Variants in ACAN observed in about 807,000 individuals in gnomAD.
ACAN encodes the protein aggrecan core protein.
ACAN carries 47 observed loss-of-function variants against 169.1 expected under a neutral mutation model. That is an observed-to-expected ratio of 0.28 (90% confidence interval 0.22 to 0.35). ACAN has a LOEUF of 0.35. Among genes scored for constraint, ACAN ranks in the 10% least tolerant of loss-of-function variants. The pLI is 1.00. For synonymous variants in ACAN, 1,115 were observed against 1,112.2 expected, an observed-to-expected ratio of 1.00 and a Z score of -0.05; for missense variants, 2,716 against 2,759.9, an observed-to-expected ratio of 0.98 and a Z score of 0.36.
At chr15:88,811,993 G>A (rs1339137831) in intron 1 of ACAN, among the ~76,000 whole-genome samples, 1 of 152,134 alleles carries the variant, frequency 6.6e-6, no homozygotes, top group East Asian at 1.9e-4. Flanking sequence ...GTTGTGACTT[G>A]TCAATATTTT....
At chr15:88,810,979 C>T (rs1895806179) in intron 1 of ACAN, among the ~76,000 whole-genome samples, 1 of 152,230 alleles carries the variant, frequency 6.6e-6, no homozygotes, top group Non-Finnish European at 1.5e-5. Context: ...GGCAGGACTA[C>T]AGCCACTGCC....
At position 88,869,450 on chromosome 15, in the gene ACAN, C is replaced by T. The variant is rs1596155227; in HGVS notation, c.7060+1121C>T. On this transcript the variant is annotated intron_variant, in intron 14 of 18. Coordinates refer to ENST00000560601, the MANE Select transcript of ACAN (RefSeq NM_001369268.1). This position sits in a 1 kb window ranked among gnomAD's most constrained non-coding sequence, Gnocchi z 4.2. ...TTTTGGGAAAAAAAAGGCCTGGACA[C>T]TCCTACTCCCTTGCAGCCTCCCACC... Among the ~76,000 whole-genome samples, 1 of 152,300 alleles carries T rather than the reference C, an allele frequency of 6.6e-6. No homozygotes were observed. The highest frequency in any genetic ancestry group is 1.9e-4 in the East Asian group (1 of 5,186).
chr15:88,826,374 C>CTTTTTTTTTT (rs59069149), intron 1 of ACAN, among the ~76,000 whole-genome samples: 1 of 111,586 alleles, frequency 9.0e-6, no homozygotes, highest in Non-Finnish European at 1.8e-5. Flanking sequence ...CCTTTTTTTT[C>CTTTTTTTTTT]TTTTTTTTTT....
intron 1 of ACAN, among the ~76,000 whole-genome samples, chr15:88,819,427 G>A (rs1567166223): frequency 6.6e-6 from 1 of 152,060 alleles, no homozygotes; most frequent in Non-Finnish European, 1.5e-5. Context: ...TCTGTAGCAG[G>A]CACTGAGCAA....
At chr15:88,818,419 G>C (rs554102270) in intron 1 of ACAN, among the ~76,000 whole-genome samples, 2 of 152,326 alleles carry the variant, frequency 1.3e-5, no homozygotes, top group East Asian at 1.9e-4. Flanking sequence ...AAATTCCGCA[G>C]GTTCTCCTCC....
At chr15:88,830,514 G>A (rs11629863) in intron 1 of ACAN, among the ~76,000 whole-genome samples, 94,305 of 151,998 alleles carry the variant, frequency 0.62, 29,650 homozygotes, top group Middle Eastern at 0.73. Context: ...GCATGTTACT[G>A]TACTGAATAC....
Position 88,851,549 on chromosome 15 carries a change from A to G in ACAN, c.2027-245A>G. 2.2e-6 allele frequency: 1 copy of G among 460,820 alleles called. No homozygotes were observed. Among genetic ancestry groups the G allele is most frequent in the Non-Finnish European group, 3.9e-6 (1 of 258,368 alleles). The allele number at this position is 460,820 out of a possible 1,614,324, so 28.5% of individuals were successfully genotyped here. On this transcript the variant is annotated intron_variant, in intron 10 of 18. Transcript: ENST00000560601. This position sits in a 1 kb window ranked among gnomAD's most constrained non-coding sequence, Gnocchi z 4.3. ...ACAAGGCTTTAGAGCAATGCCCGGCATATATGGTCAATTCTGCAGGGGAGA... is the reference window on the plus strand; with the variant it reads ...ACAAGGCTTTAGAGCAATGCCCGGCGTATATGGTCAATTCTGCAGGGGAGA...
chr15:88,848,843 G>T (rs1896858153), intron 9 of ACAN, among the ~76,000 whole-genome samples: 1 of 152,186 alleles, frequency 6.6e-6, no homozygotes, highest in Admixed American at 6.5e-5. Context: ...TACATCAGAG[G>T]TTTTTTTGAG....
At chr15:88,805,544 A>G (rs1342384029) in intron 1 of ACAN, among the ~76,000 whole-genome samples, 1 of 152,078 alleles carries the variant, frequency 6.6e-6, no homozygotes, top group Non-Finnish European at 1.5e-5. Flanking sequence ...TGTGCCTGGT[A>G]TTTTCATTCA....
At chr15:88,841,512 C>A (rs1896660704) in intron 4 of ACAN, among the ~76,000 whole-genome samples, 1 of 152,036 alleles carries the variant, frequency 6.6e-6, no homozygotes. Flanking sequence ...ATATGTGAGC[C>A]CCTGATAGAG....
rs1370737739 is a variant in ACAN, at chr15:88,873,815, C to A, written c.7448-27C>A. 4.3e-6 allele frequency: 7 copies of A among 1,610,174 alleles called. No individual in the cohort carries two copies. Among genetic ancestry groups the A allele is most frequent in the Non-Finnish European group, 5.9e-6 (7 of 1,178,004 alleles). The stretch of plus-strand genomic sequence containing the variant: ...GTCATCCCAGGAGACCCTATGAGAC[C>A]CTTTATAAAGGGTGTTTGCCCCTCA... On this transcript the variant is annotated intron_variant, in intron 17 of 18. Transcript: ENST00000560601. The surrounding 1 kb of genome is among the most constrained non-coding windows in gnomAD (Gnocchi z 7.5).
Position 88,872,691 on chromosome 15 carries a change from C to A in ACAN, c.7303-190C>A, listed in dbSNP as rs1014807536. 2.6e-5 allele frequency among the ~76,000 whole-genome samples: 4 copies of A among 152,128 alleles called. No homozygotes were observed. The highest frequency in any genetic ancestry group is 4.4e-5 in the Non-Finnish European group (3 of 68,028). ...GTGTGACTGATTCCCTAGAGGGCCA[C>A]CGGGTTCCATGGCCCCTAGAACAGC... is the stretch of plus-strand genomic sequence containing the variant. On this transcript the variant is annotated intron_variant, in intron 16 of 18. Transcript: ENST00000560601. The surrounding 1 kb of genome is among the most constrained non-coding windows in gnomAD (Gnocchi z 5.4).
At chr15:88,837,938 TC>T (rs1419182565) in intron 2 of ACAN, among the ~76,000 whole-genome samples, 1 of 150,960 alleles carries the variant, frequency 6.6e-6, no homozygotes, top group Non-Finnish European at 1.5e-5. Context: ...TTTTCCCCAT[TC>T]CCAGCAGATC....
Position 88,849,510 on chromosome 15 carries a change from A to G in ACAN, c.1805A>G (p.Asn602Ser), listed in dbSNP as rs1896879096. The G allele has an allele frequency of 1.2e-6, 2 of 1,608,324 alleles. No homozygotes were observed. ...GCACTGGAGTTCTGTGAATCTCACA[A>G]TGCTACGCTGGCCACCACGGGCCAG... ...QEALEFCESH[N>S]ATLATTGQLY... Residue 602 changes from asparagine (N) to serine (S), a missense_variant, in exon 10 of 19, where the codon AAT becomes AGT. Physicochemically the swap from Asn to Ser is conservative, Grantham distance 46 (BLOSUM62 1). Coordinates refer to ENST00000560601, the MANE Select transcript of ACAN (RefSeq NM_001369268.1). The surrounding 1 kb of genome is among the most constrained non-coding windows in gnomAD (Gnocchi z 5.1).
chr15:88,834,183 C>A (rs916722739), intron 1 of ACAN, among the ~76,000 whole-genome samples: 2 of 152,190 alleles, frequency 1.3e-5, no homozygotes, highest in African/African-American at 4.8e-5. Context: ...CTTCTCAGAA[C>A]TTTGGGATTT....
chr15:88,861,657 G>A lies in ACAN; in HGVS notation c.6946+1218G>A, dbSNP rs1897196626. 6.6e-6 allele frequency among the ~76,000 whole-genome samples: 1 copy of A among 152,094 alleles called. No homozygotes were observed. Among genetic ancestry groups the A allele is most frequent in the Admixed American group, 6.5e-5 (1 of 15,276 alleles). The stretch of plus-strand genomic sequence containing the variant: ...GGAAGGTCCCGGGCTTACTGCAGAA[G>A]GGGACAGCATTTCCACTGGGCCATA... On this transcript the variant is annotated intron_variant, in intron 13 of 18. Coordinates refer to ENST00000560601, the MANE Select transcript of ACAN (RefSeq NM_001369268.1). The surrounding 1 kb of genome is among the most constrained non-coding windows in gnomAD (Gnocchi z 6.3).
chr15:88,873,827 G>T lies in ACAN; in HGVS notation c.7448-15G>T. On this transcript the variant is annotated splice_polypyrimidine_tract_variant and intron_variant, in intron 17 of 18. Coordinates refer to ENST00000560601, the MANE Select transcript of ACAN (RefSeq NM_001369268.1). The surrounding 1 kb of genome is among the most constrained non-coding windows in gnomAD (Gnocchi z 7.5). ...GACCCTATGAGACCCTTTATAAAGG[G>T]TGTTTGCCCCTCAGTGGCCTGCGGA... 6.2e-7 allele frequency: 1 copy of T among 1,612,970 alleles called. No homozygotes were observed. Among genetic ancestry groups the T allele is most frequent in the Non-Finnish European group, 8.5e-7 (1 of 1,179,534 alleles).
In ACAN at chr15:88,858,553, G is replaced by C. The variant is rs775778624; in HGVS notation, c.5968G>C (p.Gly1990Arg). Residue 1990 changes from glycine to arginine, a missense_variant, in exon 12 of 19, where the codon GGG becomes CGG. Gly to Arg is a moderately radical substitution (Grantham distance 125, BLOSUM62 -2). Around this residue, in one of 3 missense-constraint regions of ACAN, gnomAD observed 1,389 missense variants for 1,363.7 expected, o/e 1.02. Transcript: ENST00000560601. The surrounding 1 kb of genome is among the most constrained non-coding windows in gnomAD (Gnocchi z 4.0). ...GFLDLSGLQSGLIEPSGEPPG... is the reference protein window; with the variant it reads ...GFLDLSGLQSRLIEPSGEPPG... Reference sequence around the variant, plus strand: ...TCTGGACCTAAGTGGGCTGCAGTCCGGGCTGATAGAGCCCAGCGGAGAGCC... The same window carrying C: ...TCTGGACCTAAGTGGGCTGCAGTCCCGGCTGATAGAGCCCAGCGGAGAGCC... 3.1e-6 allele frequency: 5 copies of C among 1,613,854 alleles called. No homozygotes were observed. In the South Asian group the frequency reaches 5.5e-5, roughly 18 times the overall value.
chr15:88,805,618 G>T (rs189796529), intron 1 of ACAN, among the ~76,000 whole-genome samples: 1 of 152,160 alleles, frequency 6.6e-6, no homozygotes, highest in South Asian at 2.1e-4. Context: ...GGCCCACAGC[G>T]GGTACTCAAT....
Sources: gnomAD v4.1 joint callset for allele counts (sites outside exome capture counted in the v4.1 genomes callset) on GRCh38, gnomAD v4.1.1 for gene constraint, gnomAD v4.1.1 regional missense constraint, Gnocchi (gnomAD v3.1) non-coding constraint, MANE v1.5 for transcripts, NCBI Gene and HGNC (gene_info 2026-07-23, HGNC 2026-07-21) for gene names.